The following ZNF532 variants were observed in gnomAD, a reference collection of about 807,000 sequenced individuals.
ZNF532 encodes zinc finger protein 532.
A neutral mutation model predicts 89.3 loss-of-function variants in ZNF532; 22 were observed. The ratio of observed to expected loss-of-function variants is 0.25; its 90% CI spans 0.18 to 0.35. The LOEUF is 0.35. Among genes scored for constraint, ZNF532 ranks in the 10% least tolerant of loss-of-function variants. The pLI, the probability that ZNF532 is intolerant of heterozygous loss-of-function variation, is 1.00. For synonymous variants in ZNF532, 606 were observed against 649.6 expected, an observed-to-expected ratio of 0.93 and a Z score of 1.02; for missense variants, 1,132 against 1,643.4, an observed-to-expected ratio of 0.69 and a Z score of 5.38.
chr18:58,977,107 G>T (rs1212081593), intron 7 of ZNF532, among the ~76,000 whole-genome samples: 1 of 152,118 alleles, frequency 6.6e-6, no homozygotes, highest in Admixed American at 6.5e-5. Context: ...AACAGCATTG[G>T]TATAACTTTT....
chr18:58,920,391 A>G lies in ZNF532; in HGVS notation c.2104A>G (p.Thr702Ala), dbSNP rs779771991. 1.4e-5 allele frequency: 22 copies of G among 1,613,778 alleles called. No homozygotes were observed. Among genetic ancestry groups the G allele is most frequent in the African/African-American group, 1.3e-5 (1 of 74,884 alleles). ...VSPSSNTSTS[T>A]STLQSPVGAG... is the part of the protein sequence containing the mutation. ...TCCGTCAAGCAATACTTCCACTTCA[A>G]CTTCCACTCTTCAGAGCCCTGTGGG... is the stretch of plus-strand genomic sequence containing the variant. The change falls in exon 3 of 10, where the codon ACT becomes GCT. Residue 702 changes from threonine (T) to alanine (A), a missense_variant. Thr to Ala is a moderately conservative substitution (Grantham distance 58). This residue lies in a region of ZNF532 where 100 missense variants were observed against 122.0 expected (regional missense o/e 0.82). Transcript: ENST00000591808.
intron 3 of ZNF532, among the ~76,000 whole-genome samples, chr18:58,929,239 C>A (rs537194897): frequency 6.6e-6 from 1 of 152,314 alleles, no homozygotes; most frequent in South Asian, 2.1e-4. Context: ...CTTGGGGTTA[C>A]TTCCGAGTCA....
At chr18:58,929,592 A>G (rs867309127) in intron 3 of ZNF532, among the ~76,000 whole-genome samples, 27 of 152,250 alleles carry the variant, frequency 1.8e-4, no homozygotes, top group African/African-American at 5.8e-4. Context: ...TAGTGTTACC[A>G]ACCTTCAGTT....
chr18:58,965,667 C>CT (rs2065847358), intron 7 of ZNF532, among the ~76,000 whole-genome samples: 1 of 152,148 alleles, frequency 6.6e-6, no homozygotes, highest in South Asian at 2.1e-4. Flanking sequence ...TGTGAATGTC[C>CT]TGGTTTTATA....
chr18:58,925,013 C>G (rs548045846), intron 3 of ZNF532, among the ~76,000 whole-genome samples: 1 of 152,270 alleles, frequency 6.6e-6, no homozygotes, highest in Admixed American at 6.5e-5. Flanking sequence ...TTTAACCATT[C>G]ACTTGTTGAA....
chr18:58,900,950 C>T (rs1250512810), intron 2 of ZNF532, among the ~76,000 whole-genome samples: 1 of 152,088 alleles, frequency 6.6e-6, no homozygotes, highest in Non-Finnish European at 1.5e-5. Flanking sequence ...AAAAAAAATA[C>T]TTTTAATGCC....
intron 2 of ZNF532, among the ~76,000 whole-genome samples, chr18:58,883,380 T>G (rs1767034841): frequency 6.6e-6 from 1 of 152,198 alleles, no homozygotes; most frequent in Non-Finnish European, 1.5e-5. Flanking sequence ...GAGAATTGTT[T>G]CATGATTAGC....
intron 2 of ZNF532, among the ~76,000 whole-genome samples, chr18:58,867,243 G>A (rs1387546603): frequency 6.6e-6 from 1 of 151,980 alleles, no homozygotes; most frequent in Non-Finnish European, 1.5e-5. Context: ...AAACCTCTTC[G>A]TAGGGCATTG....
intron 9 of ZNF532, 71 bp from the exon 10 acceptor site, chr18:58,983,901 A>G: frequency 6.5e-7 from 1 of 1,528,816 alleles, no homozygotes; most frequent in Non-Finnish European, 8.8e-7. Context: ...CTAAAGTAAG[A>G]GAACCGATCA....
intron 9 of ZNF532, among the ~76,000 whole-genome samples, chr18:58,982,371 A>G (rs969240233): frequency 1.3e-5 from 2 of 152,060 alleles, no homozygotes; most frequent in Non-Finnish European, 2.9e-5. Flanking sequence ...CTGTAATCCC[A>G]GCACTTTGGG....
chr18:58,920,123 G>A lies in ZNF532; in HGVS notation c.1836G>A (p.Pro612=), dbSNP rs761016148. The change falls in exon 3 of 10, where the codon CCG becomes CCA. Residue 612 remains proline, a synonymous_variant. Transcript: ENST00000591808. ...SPPANAGITL[P]TRGYKCLECG... ...CCGCCAATGCAGGGATCACGTTACC[G>A]ACGCGTGGGTACAAGTGCTTGGAGT... The A allele has an allele frequency of 2.1e-5, 34 of 1,613,806 alleles. No homozygotes were observed. Among genetic ancestry groups the A allele is most frequent in the Admixed American group, 5.0e-5 (3 of 59,996 alleles).
At chr18:58,927,808 A>C (rs561978107) in intron 3 of ZNF532, among the ~76,000 whole-genome samples, 1 of 152,126 alleles carries the variant, frequency 6.6e-6, no homozygotes, top group Non-Finnish European at 1.5e-5. Flanking sequence ...TTCAGACCCC[A>C]ATCTCTGTTT....
At chr18:58,969,820 C>G (rs186779095) in intron 7 of ZNF532, among the ~76,000 whole-genome samples, 156 of 141,856 alleles carry the variant, frequency 1.1e-3, no homozygotes, top group East Asian at 6.9e-3. Flanking sequence ...TAGAAAGATT[C>G]TATGTAAGTC....
chr18:58,911,436 C>CCA (rs2060276910), intron 2 of ZNF532, among the ~76,000 whole-genome samples: 1 of 152,144 alleles, frequency 6.6e-6, no homozygotes, highest in Non-Finnish European at 1.5e-5. Context: ...CATCTGCAGG[C>CCA]CACAGCCTTA....
chr18:58,940,990 T>C (rs1212589107), intron 5 of ZNF532, among the ~76,000 whole-genome samples: 1 of 146,088 alleles, frequency 6.8e-6, no homozygotes, highest in Non-Finnish European at 1.5e-5. Flanking sequence ...TCTCTCTCTC[T>C]CCTGGCTTTT....
In ZNF532 at chr18:58,953,290, T is replaced by TA. The variant is rs1287999939; in HGVS notation, c.2869-227dup. ...TTAAAGAATTTTAAAATGGTACAAA[T>TA]ATATAGGCCTTTAAAAAGCATTTGG... On this transcript the variant is annotated intron_variant, in intron 6 of 9. Transcript: ENST00000591808. The TA allele has an allele frequency of 1.2e-5, 5 of 410,610 alleles. No homozygotes were observed. In the South Asian group the frequency reaches 2.3e-4, roughly 19 times the overall value. The allele number at this position is 410,610 out of a possible 1,614,324, so 25.4% of individuals were successfully genotyped here. A position where few individuals can be genotyped will look rare whatever the true frequency, so the allele number is the denominator to read the frequency against.
Position 58,948,073 on chromosome 18 carries a change from A to G in ZNF532, c.2712A>G (p.Ile904Met), listed in dbSNP as rs1392145055. 3.1e-6 allele frequency: 5 copies of G among 1,612,330 alleles called. No homozygotes were observed. The highest frequency in any genetic ancestry group is 2.7e-5 in the African/African-American group (2 of 74,852). ...CTGCACTCTTCTATTTTAGAATAAT[A>G]TATAAGTGTTCCATGTGCGACACTG... The part of the protein sequence containing the change: ...PGIKIGEPKI[I>M]YKCSMCDTVF... The change falls in exon 6 of 10, where the codon ATA (isoleucine) becomes ATG (methionine). Residue 904 changes from isoleucine to methionine, a missense_variant. This residue lies in a region of ZNF532 where 415 missense variants were observed against 604.8 expected (regional missense o/e 0.69). Transcript: ENST00000591808.
intron 7 of ZNF532, among the ~76,000 whole-genome samples, chr18:58,967,546 C>T (rs961911198): frequency 3.9e-5 from 6 of 152,216 alleles, no homozygotes; most frequent in Admixed American, 6.5e-5. Context: ...CCTGCCCCCC[C>T]GTGCACCCTT....
rs147959741 is a variant in ZNF532, at chr18:58,919,326, T to A, written c.1039T>A (p.Ser347Thr). The change falls in exon 3 of 10, where the codon TCC (serine) becomes ACC (threonine). Residue 347 changes from serine to threonine, a missense_variant. Physicochemically the swap from Ser to Thr is moderately conservative, Grantham distance 58 (BLOSUM62 1). Around this residue, in one of 9 missense-constraint regions of ZNF532, gnomAD observed 124 missense variants for 191.6 expected, o/e 0.65. Transcript: ENST00000591808. This position sits in a 1 kb window ranked among gnomAD's most constrained non-coding sequence, Gnocchi z 6.1. ...CTCAAGTGAGAACAGCAGCAAAGGA[T>A]CCCCGTCCTCTCCCGCAGGGTCCAC... Reference protein sequence around the residue: ...SISSENSSKGSPSSPAGSTPA... With the variant: ...SISSENSSKGTPSSPAGSTPA... 4 of 1,614,012 alleles carry A rather than the reference T, an allele frequency of 2.5e-6. No individual in the cohort carries two copies. Among genetic ancestry groups the A allele is most frequent in the Admixed American group, 1.7e-5 (1 of 59,998 alleles).
Sources: gnomAD v4.1 joint callset for allele counts (sites outside exome capture counted in the v4.1 genomes callset) on GRCh38, gnomAD v4.1.1 for gene constraint, gnomAD v4.1.1 regional missense constraint, Gnocchi (gnomAD v3.1) non-coding constraint, MANE v1.5 for transcripts, NCBI Gene and HGNC (gene_info 2026-07-23, HGNC 2026-07-21) for gene names.